The following MTOR variants were observed in gnomAD, a reference collection of about 807,000 sequenced individuals.
MTOR encodes the protein mechanistic target of rapamycin kinase, also known as serine/threonine-protein kinase mTOR.
Under a neutral mutation model 319.8 loss-of-function variants are expected in MTOR, and 70 were observed. The observed-to-expected ratio is 0.22, with a 90% CI of 0.18 to 0.27. The LOEUF (loss-of-function observed/expected upper bound fraction) is 0.27, where lower values mean the gene tolerates loss of function less well. Among genes scored for constraint, MTOR ranks in the 10% least tolerant of loss-of-function variants. The pLI is 1.00. For synonymous variants in MTOR, 1,183 were observed against 1,211.4 expected (o/e 0.98, Z 0.49); for missense variants, 1,890 against 3,274.4 (o/e 0.58, Z 10.32).
In MTOR at chr1:11,109,733, T is replaced by C. The variant is rs1641760146; in HGVS notation, c.7367-4A>G. 1.2e-6 allele frequency: 2 copies of C among 1,613,806 alleles called. No individual in the cohort carries two copies. Among genetic ancestry groups the C allele is most frequent in the African/African-American group, 1.3e-5 (1 of 74,918 alleles). Reference sequence around the variant, plus strand: ...AGTTCCACACCGTCCAAAATTTCTATGGGAAAAGAAATCAATTAACAGAAA... The same window carrying C: ...AGTTCCACACCGTCCAAAATTTCTACGGGAAAAGAAATCAATTAACAGAAA... On this transcript the variant is annotated splice_polypyrimidine_tract_variant and splice_region_variant and intron_variant, in intron 54 of 57. Transcript: ENST00000361445. The surrounding 1 kb of genome is among the most constrained non-coding windows in gnomAD (Gnocchi z 4.0).
chr1:11,257,203 G>T (rs754387335), intron 3 of MTOR, 38 bp from the exon 4 acceptor site: 4 of 1,547,520 alleles, frequency 2.6e-6, no homozygotes, highest in African/African-American at 2.7e-5. Flanking sequence ...ATGATGGGGC[G>T]TATGCTGGCC....
intron 18 of MTOR, among the ~76,000 whole-genome samples, 172 bp downstream of exon 18, chr1:11,230,753 A>G (rs1195893089): frequency 1.3e-5 from 2 of 152,226 alleles, no homozygotes; most frequent in Non-Finnish European, 1.5e-5. Flanking sequence ...AATGGGAAGC[A>G]GCAACCCTTC....
At position 11,121,662 on chromosome 1, in the gene MTOR, TTTC is replaced by T. The variant is rs1201241992; in HGVS notation, c.6811-297_6811-295del. Among the ~76,000 whole-genome samples the T allele has an allele frequency of 6.6e-6, 1 of 152,232 alleles. No individual in the cohort carries two copies. The highest frequency in any genetic ancestry group is 1.5e-5 in the Non-Finnish European group (1 of 68,034). On this transcript the variant is annotated intron_variant, in intron 48 of 57. Coordinates refer to ENST00000361445, the MANE Select transcript of MTOR (RefSeq NM_004958.4). The surrounding 1 kb of genome is among the most constrained non-coding windows in gnomAD (Gnocchi z 4.9). ...AGGTTTTGGAAAACAAGCAATTCTC[TTTC>T]TTATTACTTACACATCTACTAAACA... is the stretch of plus-strand genomic sequence containing the variant.
At chr1:11,167,634 T>G in intron 28 of MTOR, 117 bp from the exon 29 acceptor site, 1 of 747,512 alleles carries the variant, frequency 1.3e-6, no homozygotes, top group South Asian at 1.5e-5. Flanking sequence ...TTGCAGATGC[T>G]GAAAGAGTAT....
chr1:11,107,512 G>C lies in MTOR; in HGVS notation c.7635-12C>G, dbSNP rs184177020. 1 of 1,612,184 alleles carries C rather than the reference G, an allele frequency of 6.2e-7. No homozygotes were observed. The highest frequency in any genetic ancestry group is 1.7e-5 in the Admixed American group (1 of 59,476). ...ACCAGAAAGGGCACCTAAGAAGGCA[G>C]AAAGAAAAGGAATATTTTAATAATT... On this transcript the variant is annotated splice_polypyrimidine_tract_variant and intron_variant, in intron 57 of 57. Coordinates refer to ENST00000361445, the MANE Select transcript of MTOR (RefSeq NM_004958.4).
At chr1:11,187,063 T>G (rs1198197647) in intron 28 of MTOR, among the ~76,000 whole-genome samples, 2 of 152,202 alleles carry the variant, frequency 1.3e-5, no homozygotes, top group Non-Finnish European at 2.9e-5. Context: ...GGTACAAATA[T>G]GAATGATTAA....
In MTOR at chr1:11,253,935, G is replaced by A. The variant is rs750671342; in HGVS notation, c.744C>T (p.Thr248=). 1 of 1,614,014 alleles carries A rather than the reference G, an allele frequency of 6.2e-7. No homozygotes were observed. Residue 248 remains threonine (T), a synonymous_variant, in exon 6 of 58, where the codon ACC becomes ACT. Coordinates refer to ENST00000361445, the MANE Select transcript of MTOR (RefSeq NM_004958.4). ...FEEAEKGFDE[T]LAKEKGMNRD... is the part of the protein sequence containing the mutation. ...GATTCATGCCCTTCTCTTTGGCCAA[G>A]GTCTCATCAAATCCCTTCTCTGCTT... is the stretch of plus-strand genomic sequence containing the variant.
chr1:11,132,880 C>T, intron 38 of MTOR, 200 bp downstream of exon 38: 4 of 571,080 alleles, frequency 7.0e-6, no homozygotes, highest in Non-Finnish European at 9.4e-6. Context: ...AGTATTTCTC[C>T]AATAATCTTT....
chr1:11,139,586 C>T lies in MTOR; in HGVS notation c.4945G>A (p.Asp1649Asn). The T allele has an allele frequency of 6.2e-7, 1 of 1,614,216 alleles. No homozygotes were observed. Among genetic ancestry groups the T allele is most frequent in the South Asian group, 1.1e-5 (1 of 91,082 alleles). ...GCATACTTGAGCCAGGTTCTCATGT[C>T]TTCATGAGGGCTGACCACAAGGGAC... ...VRSLVVSPHE[D>N]MRTWLKYASL... is the part of the protein sequence containing the mutation. Residue 1649 changes from aspartate (D) to asparagine (N), a missense_variant, in exon 35 of 58, where the codon GAC becomes AAC. Around this residue, in one of 15 missense-constraint regions of MTOR, gnomAD observed 276 missense variants for 459.4 expected, o/e 0.60. Transcript: ENST00000361445.
Position 11,121,739 on chromosome 1 carries a change from T to C in MTOR, c.6810+240A>G, listed in dbSNP as rs1321321650. Among the ~76,000 whole-genome samples, 1 of 152,226 alleles carries C rather than the reference T, an allele frequency of 6.6e-6. No homozygotes were observed. On this transcript the variant is annotated intron_variant, in intron 48 of 57. Coordinates refer to ENST00000361445, the MANE Select transcript of MTOR (RefSeq NM_004958.4). The surrounding 1 kb of genome is among the most constrained non-coding windows in gnomAD (Gnocchi z 4.9). Reference sequence around the variant, plus strand: ...TTTGTATACATTAGTAAATATATGGTGCCGAATATTTATCTGTCTAGTCTT... The same window carrying C: ...TTTGTATACATTAGTAAATATATGGCGCCGAATATTTATCTGTCTAGTCTT...
chr1:11,123,409 C>CTTTTTT (rs950653302), intron 47 of MTOR, among the ~76,000 whole-genome samples: 4 of 122,022 alleles, frequency 3.3e-5, no homozygotes, highest in East Asian at 2.3e-4. Flanking sequence ...CTGTGCCCAG[C>CTTTTTT]TTTTTTTTTT....
rs746670035 is a variant in MTOR at position 11,121,230 on chromosome 1, G to C, written c.6933+16C>G. 6.2e-7 allele frequency: 1 copy of C among 1,612,278 alleles called. No homozygotes were observed. Among genetic ancestry groups the C allele is most frequent in the African/African-American group, 1.3e-5 (1 of 75,056 alleles). On this transcript the variant is annotated intron_variant, in intron 49 of 57. Coordinates refer to ENST00000361445, the MANE Select transcript of MTOR (RefSeq NM_004958.4). This position sits in a 1 kb window ranked among gnomAD's most constrained non-coding sequence, Gnocchi z 4.9. ...GGTTCCAGGAGAGCGCAGGTCTGCA[G>C]GGCCCAGTGGCCTACCTCGGAGCTG...
chr1:11,225,347 T>A (rs1185964350), intron 19 of MTOR, among the ~76,000 whole-genome samples: 1 of 151,840 alleles, frequency 6.6e-6, no homozygotes, highest in East Asian at 1.9e-4. Flanking sequence ...GACAATGACT[T>A]AACATTCTAA....
chr1:11,228,746 G>A lies in MTOR; in HGVS notation c.2952C>T (p.Leu984=), dbSNP rs761580064. The A allele has an allele frequency of 1.9e-6, 3 of 1,614,174 alleles. No individual in the cohort carries two copies. The highest frequency in any genetic ancestry group is 2.5e-6 in the Non-Finnish European group (3 of 1,180,034). The change falls in exon 19 of 58, where the codon CTC becomes CTT. Residue 984 remains leucine, a synonymous_variant. Coordinates refer to ENST00000361445, the MANE Select transcript of MTOR (RefSeq NM_004958.4). ...AITFIFKSLG[L]KCVQFLPQVM... ...CCTGGGGCAGGAACTGCACACATTT[G>A]AGTCCCAGGGACTTGAAGATGAAGG...
chr1:11,192,364 A>G, intron 28 of MTOR: 1 of 1,611,064 alleles, frequency 6.2e-7, no homozygotes, highest in Non-Finnish European at 8.5e-7. Context: ...GCAGCCCTGA[A>G]CTGGAGGTGA....
rs149459628 is a variant in MTOR at position 11,144,729 on chromosome 1, G to C, written c.4791C>G (p.Ser1597=). 5.6e-6 allele frequency: 9 copies of C among 1,613,388 alleles called. No homozygotes were observed. The highest frequency in any genetic ancestry group is 1.3e-5 in the African/African-American group (1 of 74,894). Residue 1597 remains serine (S), a synonymous_variant, in exon 34 of 58, where the codon TCC becomes TCG. Transcript: ENST00000361445. ...YGAMVSCHML[S]ELEEVIQYKL... ...TGTACTGGATAACCTCCTCCAGCTC[G>C]GACAGCATGTGGCAAGAAACCATGG... is the stretch of plus-strand genomic sequence containing the variant.
At position 11,106,602 on chromosome 1, in the gene MTOR, T is replaced by C. The variant is rs565723768; in HGVS notation, c.*883A>G. On this transcript the variant is annotated 3_prime_UTR_variant, in exon 58 of 58. Coordinates refer to ENST00000361445, the MANE Select transcript of MTOR (RefSeq NM_004958.4). ...TCTGATACAACATGGTGTCTAGACA[T>C]GGCTACACTTTATACTTTGTGCATT... 3.7e-6 allele frequency: 4 copies of C among 1,080,568 alleles called. No homozygotes were observed. In the South Asian group the frequency reaches 1.3e-4, roughly 34 times the overall value. The allele number at this position is 1,080,568 out of a possible 1,614,324, so 66.9% of individuals were successfully genotyped here.
At position 11,241,518 on chromosome 1, in the gene MTOR, C is replaced by T. The variant is rs544547899; in HGVS notation, c.1541+35G>A. 10 of 1,588,332 alleles carry T rather than the reference C, an allele frequency of 6.3e-6. No homozygotes were observed. In the East Asian group the frequency reaches 2.2e-4, roughly 36 times the overall value. ...CCAACACTGGGGGCCAAGCCTCACG[C>T]TGATACAGGGCAAGCTCAGGTTTCT... On this transcript the variant is annotated intron_variant, in intron 10 of 57. Coordinates refer to ENST00000361445, the MANE Select transcript of MTOR (RefSeq NM_004958.4).
intron 1 of MTOR, among the ~76,000 whole-genome samples, chr1:11,261,266 C>G (rs971480081): frequency 6.6e-6 from 1 of 150,770 alleles, no homozygotes; most frequent in Non-Finnish European, 1.5e-5. Flanking sequence ...GAAATCGAGA[C>G]CATCCTGGCC....
Sources: gnomAD v4.1 joint callset for allele counts (sites outside exome capture counted in the v4.1 genomes callset) on GRCh38, gnomAD v4.1.1 for gene constraint, gnomAD v4.1.1 regional missense constraint, Gnocchi (gnomAD v3.1) non-coding constraint, MANE v1.5 for transcripts, NCBI Gene and HGNC (gene_info 2026-07-23, HGNC 2026-07-21) for gene names.